Variants in WWTR1 observed in about 807,000 individuals in gnomAD.
The protein encoded by WWTR1 is WW domain containing transcription regulator 1.
Under a neutral mutation model 40.1 loss-of-function variants are expected in WWTR1, and 13 were observed. That is an observed-to-expected ratio of 0.32 (90% confidence interval 0.21 to 0.52). WWTR1 has a LOEUF of 0.52. Ranked by LOEUF, WWTR1 falls within the 20% of genes least tolerant of loss-of-function variation. The probability of loss-of-function intolerance (pLI) is 0.97; values close to 1 mark genes in which losing one functional copy is unlikely to be tolerated. For synonymous variants in WWTR1, 230 were observed against 210.1 expected (o/e 1.09, Z -0.82); for missense variants, 436 against 523.1 (o/e 0.83, Z 1.63).
intron 2 of WWTR1, among the ~76,000 whole-genome samples, chr3:149,656,526 T>G (rs187889126): frequency 4.4e-4 from 67 of 152,316 alleles, no homozygotes; most frequent in African/African-American, 1.6e-3. Context: ...GGCCTGGCTC[T>G]GGACTATCTG....
At chr3:149,655,519 C>T (rs1216229560) in intron 2 of WWTR1, among the ~76,000 whole-genome samples, 1 of 152,228 alleles carries the variant, frequency 6.6e-6, no homozygotes, top group Non-Finnish European at 1.5e-5. Flanking sequence ...CCACCAGCTA[C>T]TTAGAAGTCA....
chr3:149,652,920 G>A (rs1347002391), intron 2 of WWTR1, among the ~76,000 whole-genome samples: 1 of 149,708 alleles, frequency 6.7e-6, no homozygotes, highest in Non-Finnish European at 1.5e-5. Flanking sequence ...AGGAGGTGAA[G>A]GAAACCATTG....
intron 2 of WWTR1, among the ~76,000 whole-genome samples, chr3:149,656,032 A>G (rs368206308): frequency 6.6e-6 from 1 of 152,334 alleles, no homozygotes; most frequent in East Asian, 1.9e-4. Context: ...GAACATTTCA[A>G]GTTCCAGCCT....
Position 149,527,867 on chromosome 3 carries a change from T to G in WWTR1, c.874A>C (p.Thr292Pro), listed in dbSNP as rs144835358. ...AGGAAAGGATCTGAGCTATTATTAGTGATGGATCTCATGTCTGGGGTCATC... is the reference window on the plus strand; with the variant it reads ...AGGAAAGGATCTGAGCTATTATTAGGGATGGATCTCATGTCTGGGGTCATC... ...PTMTPDMRSI[T>P]NNSSDPFLNG... The change falls in exon 5 of 7, where the codon ACT becomes CCT. Residue 292 changes from threonine to proline, a missense_variant. Coordinates refer to ENST00000360632, the MANE Select transcript of WWTR1 (RefSeq NM_015472.6). 317 of 1,614,134 alleles carry G rather than the reference T, an allele frequency of 2.0e-4. 2 individuals are homozygous for G. The East Asian group carries it at 6.6e-3, about 34-fold the overall frequency.
At chr3:149,693,935 T>C (rs770503802) in intron 1 of WWTR1, among the ~76,000 whole-genome samples, 1 of 152,060 alleles carries the variant, frequency 6.6e-6, no homozygotes, top group African/African-American at 2.4e-5. Context: ...AAAGAAAACA[T>C]AGGAGAAACT....
At chr3:149,540,232 G>GC (rs1468369648) in intron 4 of WWTR1, 3 of 456,458 alleles carry the variant, frequency 6.6e-6, no homozygotes, top group Non-Finnish European at 8.8e-6. Context: ...GCAGCACAAC[G>GC]CCCCACGTTC....
chr3:149,542,945 G>A lies in WWTR1; in HGVS notation c.569-408C>T, dbSNP rs898586014. On this transcript the variant is annotated intron_variant, in intron 3 of 6. Transcript: ENST00000360632. ...TCAGTTAATTTGTGTGTTTATGGCA[G>A]AGGTAAGGAGGGCATGTGATCTTTG... Among the ~76,000 whole-genome samples the A allele has an allele frequency of 7.2e-5, 11 of 152,280 alleles. No individual in the cohort carries two copies. The East Asian group carries it at 2.1e-3, about 29-fold the overall frequency.
chr3:149,581,824 G>T (rs1320488206), intron 2 of WWTR1, among the ~76,000 whole-genome samples: 1 of 152,156 alleles, frequency 6.6e-6, no homozygotes, highest in Non-Finnish European at 1.5e-5. Context: ...CAGCTGTGGT[G>T]ATCCATCTCC....
exon 4 of WWTR1, chr3:149,724,122 G>C (rs948069446): frequency 2.6e-5 from 4 of 152,192 alleles, no homozygotes; most frequent in African/African-American, 9.6e-5. Context: ...TAGGTGGGAA[G>C]ATAGGTTCCT....
intron 3 of WWTR1, among the ~76,000 whole-genome samples, chr3:149,548,968 G>C (rs1020311430): frequency 6.6e-6 from 1 of 152,146 alleles, no homozygotes; most frequent in East Asian, 1.9e-4. Context: ...AACAATAATA[G>C]GGAGTTTTCA....
intron 1 of WWTR1, among the ~76,000 whole-genome samples, chr3:149,685,663 T>C (rs1714624659): frequency 6.6e-6 from 1 of 152,202 alleles, no homozygotes; most frequent in Non-Finnish European, 1.5e-5. Context: ...CCAGATGATA[T>C]TGCTTCTTGA....
intron 2 of WWTR1, among the ~76,000 whole-genome samples, chr3:149,624,521 C>T (rs1740456771): frequency 6.6e-6 from 1 of 152,180 alleles, no homozygotes; most frequent in East Asian, 1.9e-4. Context: ...CATGGCCAAA[C>T]AGCCCAGTCT....
chr3:149,724,251 C>T (rs558783588), intron 3 of WWTR1: 45 of 152,192 alleles, frequency 3.0e-4, no homozygotes, highest in African/African-American at 1.1e-3. Context: ...TAATGAATCC[C>T]TGTGCACTCA....
rs550066389 is a variant in WWTR1, at chr3:149,627,901, C to A, written c.431+28975G>T. Among the ~76,000 whole-genome samples, 112 of 151,006 alleles carry A rather than the reference C, an allele frequency of 7.4e-4. 2 individuals are homozygous for A. The South Asian group carries it at 0.013, about 18-fold the overall frequency. ...CTAGCCTGATCAACATGGAGAAACCCCGTCTCTACTAAAAAAGCAAAATTA... is the reference window on the plus strand; with the variant it reads ...CTAGCCTGATCAACATGGAGAAACCACGTCTCTACTAAAAAAGCAAAATTA... On this transcript the variant is annotated intron_variant, in intron 2 of 6. Coordinates refer to ENST00000360632, the MANE Select transcript of WWTR1 (RefSeq NM_015472.6).
rs142250733 is a variant in WWTR1, at chr3:149,656,787, T to A, written c.431+89A>T. ...CTTTCTCTCTCTCTCTCTCTCTCTC[T>A]CTCTCACACACACACACACACACAC... On this transcript the variant is annotated intron_variant, in intron 2 of 6. Coordinates refer to ENST00000360632, the MANE Select transcript of WWTR1 (RefSeq NM_015472.6). The A allele has an allele frequency of 0.21, 175,225 of 830,462 alleles. 26,046 individuals are homozygous for A. The highest frequency in any genetic ancestry group is 0.33 in the Middle Eastern group (784 of 2,342). The allele number at this position is 830,462 out of a possible 1,614,324, so 51.4% of individuals were successfully genotyped here.
chr3:149,596,644 C>T (rs544218151), intron 2 of WWTR1, among the ~76,000 whole-genome samples: 12 of 152,350 alleles, frequency 7.9e-5, no homozygotes, highest in African/African-American at 2.9e-4. Context: ...GCACTCAGAG[C>T]AGTACCTGGT....
chr3:149,662,176 T>C (rs1264116479), upstream of WWTR1, among the ~76,000 whole-genome samples: 1 of 146,584 alleles, frequency 6.8e-6, no homozygotes, highest in East Asian at 1.9e-4. Context: ...TGAAACCATG[T>C]TAAAAAAAAA....
chr3:149,608,587 C>T (rs1002210442), intron 2 of WWTR1, among the ~76,000 whole-genome samples: 2 of 152,018 alleles, frequency 1.3e-5, no homozygotes, highest in Non-Finnish European at 2.9e-5. Flanking sequence ...GGGGGTTTCA[C>T]CATACTGGCC....
At chr3:149,723,180 C>CTTTTTTTTTTTTT (rs1553737951) in intron 4 of WWTR1, among the ~76,000 whole-genome samples, 1 of 49,156 alleles carries the variant, frequency 2.0e-5, no homozygotes. Context: ...GTTTTCTTTT[C>CTTTTTTTTTTTTT]TTTTCTTTTT....
Sources: gnomAD v4.1 joint callset for allele counts (sites outside exome capture counted in the v4.1 genomes callset) on GRCh38, gnomAD v4.1.1 for gene constraint, MANE v1.5 for transcripts, NCBI Gene and HGNC (gene_info 2026-07-23, HGNC 2026-07-21) for gene names.